ERBB4: variants seen among roughly 807,000 people sequenced by gnomAD.
ERBB4 encodes the protein receptor tyrosine-protein kinase erbB-4.
In ERBB4, 42 loss-of-function variants were observed where a neutral mutation model predicts 158.0. That is an observed-to-expected ratio of 0.27 (90% CI 0.21 to 0.34). The LOEUF is 0.34. ERBB4 is among the 10% of genes least tolerant of loss of function. ERBB4 has a pLI of 1.00. For synonymous variants in ERBB4, 583 were observed against 558.7 expected, an observed-to-expected ratio of 1.04 and a Z score of -0.61; for missense variants, 1,333 against 1,624.1, an observed-to-expected ratio of 0.82 and a Z score of 3.08.
intron 14 of ERBB4, among the ~76,000 whole-genome samples, chr2:211,672,691 T>C (rs981292258): frequency 2.0e-5 from 3 of 152,202 alleles, no homozygotes. Context: ...CATGAACTTT[T>C]ACATTTGCAT....
intron 1 of ERBB4, among the ~76,000 whole-genome samples, chr2:212,213,760 G>A (rs16847901): frequency 0.035 from 5,360 of 151,864 alleles, 281 homozygotes; most frequent in African/African-American, 0.12. Context: ...CAACTTGCCT[G>A]ATATAGTAAC....
chr2:212,419,184 G>A (rs1391516448), intron 1 of ERBB4, among the ~76,000 whole-genome samples: 3 of 151,424 alleles, frequency 2.0e-5, no homozygotes, highest in African/African-American at 7.3e-5. Flanking sequence ...TAGAAAAACT[G>A]TTGAACTGAA....
At chr2:212,119,411 C>A (rs979085763) in intron 2 of ERBB4, among the ~76,000 whole-genome samples, 1 of 152,110 alleles carries the variant, frequency 6.6e-6, no homozygotes, top group Non-Finnish European at 1.5e-5. Context: ...TAAGTGCCAG[C>A]AGTAGCAAAG....
intron 3 of ERBB4, among the ~76,000 whole-genome samples, chr2:211,811,465 C>T (rs1307300524): frequency 6.6e-6 from 1 of 151,798 alleles, no homozygotes; most frequent in Non-Finnish European, 1.5e-5. Flanking sequence ...TTCATTTCAA[C>T]CTTGGTGAAT....
intron 1 of ERBB4, among the ~76,000 whole-genome samples, chr2:212,434,584 T>C (rs2092097403): frequency 6.6e-6 from 1 of 151,962 alleles, no homozygotes; most frequent in African/African-American, 2.4e-5. Context: ...AGTCAAGAGA[T>C]ACCACCCATT....
intron 5 of ERBB4, among the ~76,000 whole-genome samples, chr2:211,733,145 C>A (rs184725840): frequency 6.6e-5 from 10 of 152,240 alleles, no homozygotes; most frequent in South Asian, 2.1e-4. Context: ...TCACCACCTG[C>A]TTTATTCATT....
chr2:211,726,199 C>G (rs979262569), intron 5 of ERBB4, among the ~76,000 whole-genome samples: 2 of 152,128 alleles, frequency 1.3e-5, no homozygotes, highest in African/African-American at 4.8e-5. Context: ...CCTACCTTAT[C>G]AAGACTCTGC....
chr2:212,124,979 ACT>A (rs1575668144), intron 1 of ERBB4, 76 bp from the exon 2 acceptor site: 33 of 1,528,616 alleles, frequency 2.2e-5, no homozygotes, highest in Non-Finnish European at 3.0e-5. Context: ...CTTTCTCAAA[ACT>A]CTCTATTCCA....
intron 2 of ERBB4, among the ~76,000 whole-genome samples, chr2:211,971,218 C>A (rs2125202063): frequency 6.6e-6 from 1 of 152,232 alleles, no homozygotes; most frequent in Non-Finnish European, 1.5e-5. Flanking sequence ...TCTCTTCTGG[C>A]ATAGAGAATT....
chr2:211,797,463 T>A (rs991531849), intron 3 of ERBB4, among the ~76,000 whole-genome samples: 3 of 151,982 alleles, frequency 2.0e-5, no homozygotes, highest in African/African-American at 4.8e-5. Context: ...AAGTATGATT[T>A]TTCTTGATGA....
intron 1 of ERBB4, among the ~76,000 whole-genome samples, chr2:212,419,777 T>C (rs773450624): frequency 1.3e-5 from 2 of 151,928 alleles, no homozygotes; most frequent in African/African-American, 2.4e-5. Context: ...AATCCATACA[T>C]AGAACTGAAT....
At chr2:211,662,671 T>A (rs1480926055) in intron 15 of ERBB4, among the ~76,000 whole-genome samples, 2 of 152,186 alleles carry the variant, frequency 1.3e-5, no homozygotes, top group Non-Finnish European at 2.9e-5. Flanking sequence ...GTGAGAATCT[T>A]CTGATAAGGA....
intron 3 of ERBB4, among the ~76,000 whole-genome samples, chr2:211,832,611 TATATATATAC>T (rs1259503834): frequency 2.0e-5 from 3 of 150,366 alleles, no homozygotes; most frequent in Middle Eastern, 3.5e-3. Flanking sequence ...TGTGTGTGTA[TATATATATAC>T]ATATATATAC....
At chr2:212,349,487 CCTGA>C (rs1252341079) in intron 1 of ERBB4, among the ~76,000 whole-genome samples, 2 of 151,962 alleles carry the variant, frequency 1.3e-5, no homozygotes, top group Admixed American at 6.6e-5. Context: ...TAACAGAAAA[CCTGA>C]CTAACAGATT....
chr2:212,226,078 GC>G (rs2083457764), intron 1 of ERBB4, among the ~76,000 whole-genome samples: 1 of 152,108 alleles, frequency 6.6e-6, no homozygotes, highest in African/African-American at 2.4e-5. Context: ...ATTCAAATCG[GC>G]AAAGATGCTC....
chr2:212,000,346 G>C (rs1409445716), intron 2 of ERBB4, among the ~76,000 whole-genome samples: 1 of 151,824 alleles, frequency 6.6e-6, no homozygotes, highest in African/African-American at 2.4e-5. Flanking sequence ...TCCTATATCA[G>C]ATGGAGATTA....
chr2:211,949,161 C>T (rs766245852), intron 2 of ERBB4, among the ~76,000 whole-genome samples: 6 of 152,164 alleles, frequency 3.9e-5, no homozygotes, highest in Non-Finnish European at 8.8e-5. Context: ...GAGCCATCAT[C>T]ATTCCTCATC....
intron 3 of ERBB4, among the ~76,000 whole-genome samples, chr2:211,907,234 G>A (rs562074964): frequency 6.6e-6 from 1 of 151,674 alleles, no homozygotes; most frequent in African/African-American, 2.4e-5. Flanking sequence ...CTGTGTTTAA[G>A]GGAGAGTTAA....
chr2:211,725,293 C>T, intron 5 of ERBB4, 99 bp from the exon 6 acceptor site: 1 of 885,222 alleles, frequency 1.1e-6, no homozygotes, highest in Non-Finnish European at 1.9e-6. Context: ...GTCTTTGACT[C>T]AATTCAGCAA....
Sources: allele counts gnomAD v4.1 joint callset (sites outside exome capture counted in the v4.1 genomes callset), GRCh38; gene constraint gnomAD v4.1.1; transcripts MANE v1.5; gene names NCBI Gene and HGNC (gene_info 2026-07-23, HGNC 2026-07-21).